Variants in PLCH2 observed in about 807,000 individuals in gnomAD.
PLCH2 encodes the protein 1-phosphatidylinositol 4,5-bisphosphate phosphodiesterase eta-2.
A neutral mutation model predicts 134.7 loss-of-function variants in PLCH2; 98 were observed. The observed-to-expected ratio is 0.73, with a 90% CI of 0.62 to 0.86. PLCH2 has a LOEUF of 0.86. Among genes scored for constraint, PLCH2 ranks in the 40% least tolerant of loss-of-function variants. The pLI, the probability that PLCH2 is intolerant of heterozygous loss-of-function variation, is 0.00. For synonymous variants in PLCH2, 974 were observed against 827.5 expected, an observed-to-expected ratio of 1.18 and a Z score of -3.04; for missense variants, 1,994 against 1,986.6, an observed-to-expected ratio of 1.00 and a Z score of -0.07.
chr1:2,427,151 A>AGGT (rs1179890610), intron 1 of PLCH2, among the ~76,000 whole-genome samples: 1 of 152,192 alleles, frequency 6.6e-6, no homozygotes, highest in African/African-American at 2.4e-5. Flanking sequence ...AAGTAGCAGG[A>AGGT]GGTGGCCTCT....
intron 2 of PLCH2, among the ~76,000 whole-genome samples, chr1:2,455,385 C>T (rs904212254): frequency 2.6e-5 from 4 of 152,214 alleles, no homozygotes; most frequent in African/African-American, 9.6e-5. Context: ...CTGCATCCCT[C>T]GGTGTGGGTC....
upstream of PLCH2, among the ~76,000 whole-genome samples, chr1:2,472,640 G>T (rs1023186356): frequency 6.6e-6 from 1 of 152,224 alleles, no homozygotes; most frequent in Non-Finnish European, 1.5e-5. Flanking sequence ...TGCCAGCCGG[G>T]CCCAGGCACA....
chr1:2,434,555 T>C (rs1440960486), intron 2 of PLCH2, among the ~76,000 whole-genome samples: 1 of 152,226 alleles, frequency 6.6e-6, no homozygotes, highest in Non-Finnish European at 1.5e-5. Context: ...GTCACTGGCC[T>C]CGGGGGCCCT....
rs762318680 is a variant in PLCH2 at position 2,499,071 on chromosome 1, G to C, written c.2435-13G>C. The C allele has an allele frequency of 1.2e-6, 2 of 1,604,224 alleles. No homozygotes were observed. Among genetic ancestry groups the C allele is most frequent in the Non-Finnish European group, 1.7e-6 (2 of 1,176,236 alleles). On this transcript the variant is annotated splice_polypyrimidine_tract_variant and intron_variant, in intron 18 of 21. Transcript: ENST00000378486. ...CTCCCCATGGGACACTCCTCCTGGC[G>C]CTGCTTCCCCAGGGTTCAACCCCAC...
chr1:2,423,165 GT>G (rs759846444), upstream of PLCH2, among the ~76,000 whole-genome samples: 2 of 142,330 alleles, frequency 1.4e-5, no homozygotes, highest in Admixed American at 1.4e-4. Flanking sequence ...GTTTTATTTA[GT>G]TTTTTTGTTT....
rs952305619 is a variant in PLCH2, at chr1:2,444,292, G to A, written c.115+13663G>A. Among the ~76,000 whole-genome samples the A allele has an allele frequency of 1.3e-5, 2 of 152,226 alleles. No homozygotes were observed. The highest frequency in any genetic ancestry group is 4.8e-5 in the African/African-American group (2 of 41,474). Reference sequence around the variant, plus strand: ...CCGTGCTGAGAATGACCCCTGCTGAGCCCAGGCCGGGCACCCCGATCCCTG... The same window carrying A: ...CCGTGCTGAGAATGACCCCTGCTGAACCCAGGCCGGGCACCCCGATCCCTG... On this transcript the variant is annotated intron_variant, in intron 2 of 3. Transcript: ENST00000609981. This position sits in a 1 kb window ranked among gnomAD's most constrained non-coding sequence, Gnocchi z 4.6.
At position 2,493,935 on chromosome 1, in the gene PLCH2, G is replaced by A. The variant is rs72644646; in HGVS notation, c.1660-921G>A. The A allele has an allele frequency of 4.3e-3, 658 of 152,942 alleles. 3 individuals are homozygous for A. Among genetic ancestry groups the A allele is most frequent in the Non-Finnish European group, 8.1e-3 (553 of 68,490 alleles). 9.5% of individuals were successfully genotyped at this position (152,942 alleles called of 1,614,324 possible). A position where few individuals can be genotyped will look rare whatever the true frequency, so the allele number is the denominator to read the frequency against. On this transcript the variant is annotated intron_variant, in intron 11 of 21. Coordinates refer to ENST00000378486, the MANE Select transcript of PLCH2 (RefSeq NM_014638.4). Reference sequence around the variant, plus strand: ...TGTGGGAGGGTGTGTGTGCAGGGGCGTGCTGTGGGTGTTGCAGGGGTGTGT... The same window carrying A: ...TGTGGGAGGGTGTGTGTGCAGGGGCATGCTGTGGGTGTTGCAGGGGTGTGT...
chr1:2,466,292 G>A (rs1641053028), upstream of PLCH2, among the ~76,000 whole-genome samples: 1 of 152,194 alleles, frequency 6.6e-6, no homozygotes, highest in African/African-American at 2.4e-5. Flanking sequence ...TGGGTCGTGA[G>A]AGAGACTGTT....
intron 2 of PLCH2, among the ~76,000 whole-genome samples, chr1:2,462,169 T>C (rs548650599): frequency 1.2e-4 from 7 of 56,004 alleles, no homozygotes; most frequent in African/African-American, 3.3e-4. Flanking sequence ...GACACCCCTC[T>C]GCCTGACACC....
chr1:2,502,451 G>T (rs1463459354), intron 21 of PLCH2, 42 bp downstream of exon 21: 1 of 1,530,838 alleles, frequency 6.5e-7, no homozygotes, highest in Non-Finnish European at 8.8e-7. Flanking sequence ...CCCTGTGCGA[G>T]TGCGGCCCCC....
At chr1:2,424,648 T>G (rs552356813), upstream of PLCH2, among the ~76,000 whole-genome samples, 8 of 152,134 alleles carry the variant, frequency 5.3e-5, no homozygotes, top group Admixed American at 4.6e-4. Flanking sequence ...ATCAGGAGTT[T>G]GAGACCAGCC....
At chr1:2,503,367 A>G in intron 21 of PLCH2, 1 of 581,454 alleles carries the variant, frequency 1.7e-6, no homozygotes, top group Non-Finnish European at 3.1e-6. Flanking sequence ...GGGAAGTCTG[A>G]TGTGGGCAGG....
chr1:2,451,786 C>A (rs1457809706), intron 2 of PLCH2, among the ~76,000 whole-genome samples: 1 of 152,164 alleles, frequency 6.6e-6, no homozygotes, highest in East Asian at 1.9e-4. Flanking sequence ...CCCTAACGTG[C>A]TCTTGGCCCC....
At chr1:2,495,343 C>A in intron 12 of PLCH2, 145 bp from the exon 13 acceptor site, 1 of 662,304 alleles carries the variant, frequency 1.5e-6, no homozygotes, top group Non-Finnish European at 2.6e-6. Flanking sequence ...GAGGCTTTGG[C>A]AGGCCCAGCC....
At chr1:2,472,542 T>C (rs1172888382), upstream of PLCH2, among the ~76,000 whole-genome samples, 1 of 152,038 alleles carries the variant, frequency 6.6e-6, no homozygotes, top group Non-Finnish European at 1.5e-5. Flanking sequence ...AGCCCTGGGA[T>C]GCGGCTGCCT....
At chr1:2,436,978 T>C (rs928918038) in intron 2 of PLCH2, among the ~76,000 whole-genome samples, 4 of 152,114 alleles carry the variant, frequency 2.6e-5, no homozygotes, top group African/African-American at 9.7e-5. Flanking sequence ...GGGGTGAGCA[T>C]GGGGACCTGA....
At chr1:2,421,956 G>A (rs1053614342), upstream of PLCH2, among the ~76,000 whole-genome samples, 3 of 147,346 alleles carry the variant, frequency 2.0e-5, no homozygotes, top group East Asian at 2.1e-4. Flanking sequence ...CCCAGGCGAC[G>A]GAGCAAGACT....
chr1:2,489,427 C>G (rs557155741), intron 9 of PLCH2, 49 bp downstream of exon 9: 3 of 1,582,520 alleles, frequency 1.9e-6, no homozygotes, highest in Non-Finnish European at 2.6e-6. Context: ...GAGTCTCGGG[C>G]CTGCAGCAGT....
rs1229323615 is a variant in PLCH2, at chr1:2,500,897, C to A, written c.2661+1177C>A. ...TCAGCCCCTTCCCTGGCGGGCAGCCCGCTGGAGCCCCCACTGTGCCCCTCC... is the reference window on the plus strand; with the variant it reads ...TCAGCCCCTTCCCTGGCGGGCAGCCAGCTGGAGCCCCCACTGTGCCCCTCC... On this transcript the variant is annotated intron_variant, in intron 20 of 21. Coordinates refer to ENST00000378486, the MANE Select transcript of PLCH2 (RefSeq NM_014638.4). 16 of 144,430 alleles carry A rather than the reference C, an allele frequency of 1.1e-4. 1 individual carries two copies. Among genetic ancestry groups the A allele is most frequent in the South Asian group, 2.3e-4 (1 of 4,342 alleles). 8.9% of individuals were successfully genotyped at this position (144,430 alleles called of 1,614,324 possible).
Sources: gnomAD v4.1 joint callset for allele counts (sites outside exome capture counted in the v4.1 genomes callset) on GRCh38, gnomAD v4.1.1 for gene constraint, Gnocchi (gnomAD v3.1) non-coding constraint, MANE v1.5 for transcripts, NCBI Gene and HGNC (gene_info 2026-07-23, HGNC 2026-07-21) for gene names.